RC3H2: variants seen among roughly 807,000 people sequenced by gnomAD.
RC3H2 encodes ring finger and CCCH-type domains 2, also known as roquin-2.
In RC3H2, 31 loss-of-function variants were observed where a neutral mutation model predicts 133.3. The observed-to-expected ratio is 0.23, with a 90% confidence interval of 0.17 to 0.31. The LOEUF (loss-of-function observed/expected upper bound fraction) is 0.31, where lower values mean the gene tolerates loss of function less well. RC3H2 is among the 10% of genes least tolerant of loss of function. RC3H2 has a pLI of 1.00. For synonymous variants in RC3H2, 517 were observed against 502.2 expected, an observed-to-expected ratio of 1.03 and a Z score of -0.40; for missense variants, 1,175 against 1,437.2, an observed-to-expected ratio of 0.82 and a Z score of 2.95.
At chr9:122,874,813 C>T (rs913146522) in intron 9 of RC3H2, 1 of 175,508 alleles carries the variant, frequency 5.7e-6, no homozygotes, top group Non-Finnish European at 1.2e-5. Context: ...AGCCACTACA[C>T]CTAGTTTGGC....
intron 9 of RC3H2, among the ~76,000 whole-genome samples, chr9:122,867,618 G>A (rs1175239265): frequency 1.6e-5 from 2 of 123,596 alleles, no homozygotes; most frequent in East Asian, 4.3e-4. Flanking sequence ...TAGGAAGTGA[G>A]GAGCGTCTCT....
In RC3H2 at chr9:122,858,093, C is replaced by T. The variant is rs748294500; in HGVS notation, c.2284G>A (p.Glu762Lys). 1.9e-6 allele frequency: 3 copies of T among 1,613,272 alleles called. No individual in the cohort carries two copies. The highest frequency in any genetic ancestry group is 2.5e-6 in the Non-Finnish European group (3 of 1,179,740). Residue 762 changes from glutamate to lysine, a missense_variant and splice_region_variant, in exon 13 of 21, where the codon GAA becomes AAA. Around this residue, in one of 8 missense-constraint regions of RC3H2, gnomAD observed 490 missense variants for 492.8 expected, o/e 0.99. Coordinates refer to ENST00000357244, the MANE Select transcript of RC3H2 (RefSeq NM_001100588.3). ...CTGGTCTTCAAATGACCACAAGGTT[C>T]CTAATGGGGGATAAAAGAAACAATC... Reference protein sequence around the residue: ...EPRTTVPLPREPCGHLKTSCE... With the variant: ...EPRTTVPLPRKPCGHLKTSCE...
chr9:122,878,069 AC>A, intron 8 of RC3H2, among the ~76,000 whole-genome samples: 1 of 152,236 alleles, frequency 6.6e-6, no homozygotes, highest in East Asian at 1.9e-4. Flanking sequence ...TTGAGTTCAT[AC>A]AATGAGGCAG....
intron 9 of RC3H2, among the ~76,000 whole-genome samples, chr9:122,868,741 AAAAT>A (rs201602026): frequency 0.023 from 3,469 of 151,760 alleles, 84 homozygotes; most frequent in East Asian, 0.11. Flanking sequence ...TGATCAATAA[AAAAT>A]AAATAAATAA....
intron 20 of RC3H2, 22 bp from the exon 21 acceptor site, chr9:122,849,844 T>A (rs201603532): frequency 6.6e-7 from 1 of 1,524,706 alleles, no homozygotes; most frequent in Non-Finnish European, 8.8e-7. Flanking sequence ...GAAATGACAT[T>A]AAAAACAAAT....
At position 122,905,178 on chromosome 9, in the gene RC3H2, G is replaced by T; in HGVS notation, c.-136C>A. On this transcript the variant is annotated 5_prime_UTR_variant, in exon 1 of 21. Transcript: ENST00000357244. ...CCCCGCGACGGCGCGGCTTGGCGAC[G>T]GAGGCGCCTCGTCTCGCCGGGGCAG... is the stretch of plus-strand genomic sequence containing the variant. 1 of 985,454 alleles carries T rather than the reference G, an allele frequency of 1.0e-6. No homozygotes were observed. Among genetic ancestry groups the T allele is most frequent in the Non-Finnish European group, 1.2e-6 (1 of 829,938 alleles). The allele number at this position is 985,454 out of a possible 1,614,324, so 61.0% of individuals were successfully genotyped here.
chr9:122,868,441 C>T (rs373702578), intron 9 of RC3H2, among the ~76,000 whole-genome samples: 2 of 151,600 alleles, frequency 1.3e-5, no homozygotes, highest in East Asian at 3.9e-4. Context: ...TGTGACCTTA[C>T]CCCCAACCCT....
chr9:122,894,701 G>A (rs773971464), intron 2 of RC3H2, among the ~76,000 whole-genome samples: 61 of 152,172 alleles, frequency 4.0e-4, no homozygotes, highest in Non-Finnish European at 7.1e-4. Context: ...CCAATATGGC[G>A]AGACCCCATC....
intron 9 of RC3H2, among the ~76,000 whole-genome samples, chr9:122,866,009 T>C (rs964579272): frequency 1.3e-5 from 2 of 152,128 alleles, no homozygotes; most frequent in African/African-American, 4.8e-5. Context: ...ATATAAGGGA[T>C]GTTATGTAAA....
chr9:122,859,091 G>C lies in RC3H2; in HGVS notation c.1861C>G (p.Pro621Ala), dbSNP rs1830360095. ...PQYPQTGYYP[P>A]PPTVPAGVAP... ...ACACCAGCTGGTACCGTTGGAGGTGGTGGATAGTATCCTTGAAAATTGGAA... is the reference window on the plus strand; with the variant it reads ...ACACCAGCTGGTACCGTTGGAGGTGCTGGATAGTATCCTTGAAAATTGGAA... Residue 621 changes from proline (P) to alanine (A), a missense_variant, in exon 12 of 21, where the codon CCA becomes GCA. Pro to Ala is a conservative substitution (Grantham distance 27). Transcript: ENST00000357244. 4 of 1,566,188 alleles carry C rather than the reference G, an allele frequency of 2.6e-6. No individual in the cohort carries two copies. Among genetic ancestry groups the C allele is most frequent in the Non-Finnish European group, 3.5e-6 (4 of 1,155,034 alleles).
Position 122,877,466 on chromosome 9 carries a change from C to A in RC3H2, c.1325+5G>T. 6.2e-7 allele frequency: 1 copy of A among 1,608,276 alleles called. No individual in the cohort carries two copies. The highest frequency in any genetic ancestry group is 8.5e-7 in the Non-Finnish European group (1 of 1,174,786). On this transcript the variant is annotated splice_donor_5th_base_variant and intron_variant, in intron 9 of 20. Coordinates refer to ENST00000357244, the MANE Select transcript of RC3H2 (RefSeq NM_001100588.3). ...CCCATATGAAACAGAATTCTCAACA[C>A]TTACTTTTCAAGCTCTTCCTGAGAA... is the stretch of plus-strand genomic sequence containing the variant.
intron 1 of RC3H2, among the ~76,000 whole-genome samples, chr9:122,901,215 AAAC>A (rs1832635073): frequency 6.6e-6 from 1 of 152,234 alleles, no homozygotes; most frequent in South Asian, 2.1e-4. Context: ...CTTCTAATTA[AAAC>A]CATTGTTTTC....
intron 9 of RC3H2, among the ~76,000 whole-genome samples, chr9:122,869,346 T>A (rs1414533702): frequency 6.6e-6 from 1 of 152,160 alleles, no homozygotes; most frequent in Non-Finnish European, 1.5e-5. Context: ...TATAAAGTGT[T>A]AGTAGTAAGC....
intron 9 of RC3H2, among the ~76,000 whole-genome samples, chr9:122,876,871 C>T (rs906474084): frequency 5.3e-5 from 8 of 151,936 alleles, no homozygotes; most frequent in East Asian, 1.9e-4. Context: ...GACCAAAAGC[C>T]GTAAAAAGGA....
chr9:122,866,761 C>T (rs1382191713), intron 9 of RC3H2, among the ~76,000 whole-genome samples: 4 of 152,172 alleles, frequency 2.6e-5, no homozygotes, highest in African/African-American at 9.6e-5. Context: ...GCTACAACCT[C>T]CACCTCCCAG....
chr9:122,879,684 G>C, intron 8 of RC3H2, 71 bp downstream of exon 8: 1 of 1,022,518 alleles, frequency 9.8e-7, no homozygotes, highest in Non-Finnish European at 1.5e-6. Flanking sequence ...TAACAAAACA[G>C]CTGGTTAAGA....
At chr9:122,870,280 CAGG>C (rs1345829175) in intron 9 of RC3H2, among the ~76,000 whole-genome samples, 4 of 151,962 alleles carry the variant, frequency 2.6e-5, no homozygotes, top group South Asian at 2.1e-4. Context: ...GAGGCTGAAG[CAGG>C]AGAATTGCTT....
chr9:122,863,759 G>C (rs1432938781), intron 10 of RC3H2, among the ~76,000 whole-genome samples: 6 of 150,388 alleles, frequency 4.0e-5, no homozygotes, highest in Non-Finnish European at 5.9e-5. Context: ...TTTTTGAGAT[G>C]GAGTCTCACT....
At chr9:122,865,761 GT>G (rs1287263216) in intron 9 of RC3H2, 104 bp from the exon 10 acceptor site, 2 of 967,118 alleles carry the variant, frequency 2.1e-6, no homozygotes, top group East Asian at 4.9e-5. Context: ...GGAGGAAACA[GT>G]TTTGACAAAA....
Sources: allele counts gnomAD v4.1 joint callset (sites outside exome capture counted in the v4.1 genomes callset), GRCh38; gene constraint gnomAD v4.1.1; regional missense constraint gnomAD v4.1.1; transcripts MANE v1.5; gene names NCBI Gene and HGNC (gene_info 2026-07-23, HGNC 2026-07-21).